The following CCDC192 variants were observed in gnomAD, a reference collection of about 807,000 sequenced individuals.
The protein encoded by CCDC192 is coiled-coil domain-containing protein 192.
chr5:127,719,594 A>G (rs750268245), intron 2 of CCDC192, among the ~76,000 whole-genome samples: 5 of 142,330 alleles, frequency 3.5e-5, no homozygotes, highest in Non-Finnish European at 6.0e-5. Flanking sequence ...AAGCAGTGGG[A>G]TTGCTGAATC....
chr5:127,812,606 A>C (rs1008043621), intron 5 of CCDC192, among the ~76,000 whole-genome samples: 1 of 151,784 alleles, frequency 6.6e-6, no homozygotes, highest in East Asian at 1.9e-4. Flanking sequence ...CACTGTCTTC[A>C]AAAAAAATAC....
chr5:127,837,875 C>T (rs528875681), intron 5 of CCDC192, among the ~76,000 whole-genome samples: 1 of 152,252 alleles, frequency 6.6e-6, no homozygotes, highest in Admixed American at 6.5e-5. Flanking sequence ...GTAGTCCCAG[C>T]TACTCAGGAG....
intron 5 of CCDC192, among the ~76,000 whole-genome samples, chr5:127,850,727 A>T (rs1463884591): frequency 1.3e-5 from 2 of 152,190 alleles, no homozygotes; most frequent in Non-Finnish European, 2.9e-5. Flanking sequence ...GCAATTTGGG[A>T]GGCCGAGGCA....
At chr5:127,935,486 C>T (rs1252026685) in intron 6 of CCDC192, 1 of 152,184 alleles carries the variant, frequency 6.6e-6, no homozygotes, top group African/African-American at 2.4e-5. Context: ...AACTCTTCCT[C>T]CTATTCATTG....
intron 5 of CCDC192, among the ~76,000 whole-genome samples, chr5:127,875,076 A>G (rs2127133363): frequency 6.6e-6 from 1 of 152,342 alleles, no homozygotes; most frequent in South Asian, 2.1e-4. Context: ...TGGTGGTCGT[A>G]TCACACTTTA....
chr5:127,869,380 C>A (rs1261101639), intron 5 of CCDC192, among the ~76,000 whole-genome samples: 5 of 152,068 alleles, frequency 3.3e-5, no homozygotes, highest in Non-Finnish European at 5.9e-5. Flanking sequence ...CAGAATGATG[C>A]CTGGCATATT....
intron 5 of CCDC192, among the ~76,000 whole-genome samples, chr5:127,812,252 A>G (rs986664573): frequency 2.6e-5 from 4 of 152,220 alleles, no homozygotes; most frequent in Non-Finnish European, 4.4e-5. Context: ...ATACATTTCC[A>G]TGTTTTGCTC....
intron 2 of CCDC192, among the ~76,000 whole-genome samples, chr5:127,728,987 G>A (rs562131708): frequency 6.6e-6 from 1 of 152,138 alleles, no homozygotes; most frequent in South Asian, 2.1e-4. Flanking sequence ...GCTCACTGCA[G>A]TCTCTGCCTT....
chr5:127,719,108 G>A (rs1743835944), intron 2 of CCDC192, among the ~76,000 whole-genome samples: 1 of 152,016 alleles, frequency 6.6e-6, no homozygotes, highest in East Asian at 1.9e-4. Context: ...GGATTCAATT[G>A]TTTTAATTTT....
intron 2 of CCDC192, among the ~76,000 whole-genome samples, chr5:127,734,473 C>G (rs1438818625): frequency 6.7e-6 from 1 of 149,726 alleles, no homozygotes; most frequent in African/African-American, 2.5e-5. Flanking sequence ...AATGGTATTT[C>G]CAGTTCTAGA....
chr5:127,815,007 A>G (rs1040398391), intron 5 of CCDC192, among the ~76,000 whole-genome samples: 15 of 152,168 alleles, frequency 9.9e-5, no homozygotes, highest in African/African-American at 3.6e-4. Flanking sequence ...GCCTCAAAAT[A>G]TAATTCTTTG....
At chr5:127,826,608 C>T (rs1749544300) in intron 5 of CCDC192, among the ~76,000 whole-genome samples, 2 of 147,706 alleles carry the variant, frequency 1.4e-5, no homozygotes, top group Admixed American at 1.4e-4. Flanking sequence ...AAATCAAATA[C>T]CACATGTTCT....
intron 5 of CCDC192, among the ~76,000 whole-genome samples, chr5:127,821,864 C>T (rs1749309395): frequency 1.3e-5 from 2 of 152,140 alleles, no homozygotes; most frequent in South Asian, 4.1e-4. Flanking sequence ...AACATAACAT[C>T]CAGCCAACTA....
At chr5:127,937,029 C>T (rs961963995) in intron 6 of CCDC192, among the ~76,000 whole-genome samples, 1 of 152,188 alleles carries the variant, frequency 6.6e-6, no homozygotes, top group Non-Finnish European at 1.5e-5. Flanking sequence ...GGACTTGAGG[C>T]TCTTGAAGTC....
chr5:127,813,192 G>T (rs1396880980), intron 5 of CCDC192, among the ~76,000 whole-genome samples: 5 of 152,094 alleles, frequency 3.3e-5, no homozygotes, highest in Non-Finnish European at 5.9e-5. Flanking sequence ...CATTGCGGGG[G>T]CCCAGGATGG....
At chr5:127,905,076 G>A (rs1377172111) in intron 6 of CCDC192, among the ~76,000 whole-genome samples, 1 of 151,970 alleles carries the variant, frequency 6.6e-6, no homozygotes, top group East Asian at 1.9e-4. Context: ...AAAAGGAGCT[G>A]CCTGGAGGAC....
intron 2 of CCDC192, among the ~76,000 whole-genome samples, chr5:127,729,446 CAG>C (rs1207470393): frequency 4.6e-5 from 7 of 152,184 alleles, no homozygotes; most frequent in African/African-American, 1.7e-4. Flanking sequence ...CAATATTAGA[CAG>C]ATCACAGATC....
intron 5 of CCDC192, among the ~76,000 whole-genome samples, chr5:127,863,139 A>G (rs1258353609): frequency 6.6e-6 from 1 of 152,224 alleles, no homozygotes; most frequent in Non-Finnish European, 1.5e-5. Flanking sequence ...GAAATTTATA[A>G]TTAAAAGGTA....
rs546522660 is a variant in CCDC192, at chr5:127,770,789, A to ATAGATGCAT, written c.222+16417_222+16425dup. Among the ~76,000 whole-genome samples, 86 of 152,334 alleles carry ATAGATGCAT rather than the reference A, an allele frequency of 5.6e-4. 1 individual carries two copies. The South Asian group carries it at 0.013, about 22-fold the overall frequency. On this transcript the variant is annotated intron_variant, in intron 3 of 6. Transcript: ENST00000514853. ...GAATGCATTATTGGATTAACATAGA[A>ATAGATGCAT]TAGATGCATTATATTATGCAGGAAC...
Sources: allele counts gnomAD v4.1 joint callset (sites outside exome capture counted in the v4.1 genomes callset), GRCh38; gene constraint gnomAD v4.1.1; transcripts MANE v1.5; gene names NCBI Gene and HGNC (gene_info 2026-07-23, HGNC 2026-07-21).